GSE1: variants seen among roughly 807,000 people sequenced by gnomAD.
The protein encoded by GSE1 is Gse1 coiled-coil protein.
Under a neutral mutation model 112.6 loss-of-function variants are expected in GSE1, and 32 were observed. That is an observed-to-expected ratio of 0.28 (90% CI 0.21 to 0.38). The LOEUF (loss-of-function observed/expected upper bound fraction) is 0.38. GSE1 is among the 10% of genes least tolerant of loss of function. The pLI, the probability that GSE1 is intolerant of heterozygous loss-of-function variation, is 1.00. For missense variants in GSE1, 2,348 were observed against 1,699.2 expected, an observed-to-expected ratio of 1.38 and a Z score of -6.71; for synonymous variants, 1,115 against 735.6, an observed-to-expected ratio of 1.52 and a Z score of -8.35.
chr16:85,433,253 C>T (rs1055524257), intron 2 of GSE1, among the ~76,000 whole-genome samples: 14 of 152,026 alleles, frequency 9.2e-5, no homozygotes, highest in African/African-American at 2.9e-4. Flanking sequence ...TCATAAGAAC[C>T]CCAAAGAAAC....
At chr16:85,305,260 C>T (rs770132159) in intron 1 of GSE1, among the ~76,000 whole-genome samples, 6 of 152,194 alleles carry the variant, frequency 3.9e-5, no homozygotes, top group East Asian at 1.9e-4. Flanking sequence ...GAATCTCTGA[C>T]GATGGACCCT....
At chr16:85,379,530 C>T (rs1005319058) in intron 2 of GSE1, among the ~76,000 whole-genome samples, 8 of 152,316 alleles carry the variant, frequency 5.3e-5, no homozygotes, top group African/African-American at 1.4e-4. Context: ...TTCCTCACCC[C>T]GTGGTGAGCA....
chr16:85,381,039 G>A (rs193224053), intron 2 of GSE1, among the ~76,000 whole-genome samples: 3 of 152,318 alleles, frequency 2.0e-5, no homozygotes, highest in Non-Finnish European at 2.9e-5. Context: ...CACCACCTCC[G>A]TCCAGTGCAA....
chr16:85,590,204 TTG>T (rs1314301877), intron 1 of GSE1, among the ~76,000 whole-genome samples: 1 of 151,752 alleles, frequency 6.6e-6, no homozygotes, highest in African/African-American at 2.4e-5. Flanking sequence ...ATGTGTGTGA[TTG>T]TGTGAACATG....
intron 1 of GSE1, among the ~76,000 whole-genome samples, chr16:85,299,764 T>C (rs867921180): frequency 2.0e-5 from 3 of 152,084 alleles, no homozygotes; most frequent in Non-Finnish European, 2.9e-5. Context: ...TCTGTCTCTA[T>C]AAAAAATTTT....
intron 2 of GSE1, among the ~76,000 whole-genome samples, chr16:85,401,836 A>G (rs2048121926): frequency 1.3e-5 from 2 of 152,212 alleles, no homozygotes; most frequent in African/African-American, 4.8e-5. Flanking sequence ...CCTGACGGGA[A>G]TGTCTAAACA....
At chr16:85,356,482 G>T (rs1253928510) in intron 1 of GSE1, among the ~76,000 whole-genome samples, 2 of 152,324 alleles carry the variant, frequency 1.3e-5, no homozygotes, top group Non-Finnish European at 2.9e-5. Context: ...TCCCCTTGGT[G>T]CAGGGACCTA....
intron 2 of GSE1, among the ~76,000 whole-genome samples, chr16:85,536,491 C>G (rs947094304): frequency 6.6e-6 from 1 of 152,188 alleles, no homozygotes; most frequent in Non-Finnish European, 1.5e-5. Context: ...CTGTGTGGGC[C>G]GCGGGCAGGG....
chr16:85,324,737 C>T (rs1441919734), intron 1 of GSE1, among the ~76,000 whole-genome samples: 1 of 151,960 alleles, frequency 6.6e-6, no homozygotes, highest in Non-Finnish European at 1.5e-5. Context: ...GTGACATGTC[C>T]AATAGGCAAA....
At chr16:85,396,326 A>G (rs1335247173) in intron 2 of GSE1, among the ~76,000 whole-genome samples, 1 of 152,238 alleles carries the variant, frequency 6.6e-6, no homozygotes, top group Non-Finnish European at 1.5e-5. Flanking sequence ...TTGGAGAGAC[A>G]GGAAATATTA....
chr16:85,284,953 A>G (rs11863116), intron 1 of GSE1: 35,664 of 152,202 alleles, frequency 0.23, 4,652 homozygotes, highest in African/African-American at 0.35. Flanking sequence ...GACAATGGAA[A>G]TAGAAAATCG....
chr16:85,593,655 C>A (rs1598311583), intron 1 of GSE1: 1 of 152,188 alleles, frequency 6.6e-6, no homozygotes, highest in East Asian at 1.9e-4. Flanking sequence ...TAGCGCCTGC[C>A]TGTGTGAATG....
At chr16:85,225,135 AG>A (rs2075462252) in intron 1 of GSE1, among the ~76,000 whole-genome samples, 1 of 152,000 alleles carries the variant, frequency 6.6e-6, no homozygotes, top group Non-Finnish European at 1.5e-5. Context: ...AAAAAAAAAA[AG>A]AAAGAAGTAA....
chr16:85,304,613 G>GGGGGC (rs1597345354), intron 1 of GSE1, among the ~76,000 whole-genome samples: 3 of 131,722 alleles, frequency 2.3e-5, no homozygotes, highest in Admixed American at 1.6e-4. Flanking sequence ...GGGGGGTGGG[G>GGGGGC]CATCCCTTTT....
chr16:85,246,513 C>G (rs1258283592), intron 1 of GSE1, among the ~76,000 whole-genome samples: 1 of 99,280 alleles, frequency 1.0e-5, no homozygotes, highest in African/African-American at 3.6e-5. Flanking sequence ...CCCCCCCCCC[C>G]GACGCTGTCT....
At chr16:85,561,709 A>G (rs569275662) in intron 1 of GSE1, among the ~76,000 whole-genome samples, 2 of 152,328 alleles carry the variant, frequency 1.3e-5, no homozygotes, top group Admixed American at 1.3e-4. Context: ...AGCAAGTCAT[A>G]AATATCTCAT....
chr16:85,364,883 C>T (rs370371482), intron 2 of GSE1, among the ~76,000 whole-genome samples: 1 of 152,326 alleles, frequency 6.6e-6, no homozygotes, highest in Admixed American at 6.5e-5. Context: ...GTCCCTGAGA[C>T]GGCACGGGTC....
rs117867914 is a variant in GSE1, at chr16:85,370,557, T to C, written c.2464+12914T>C. 2.7e-3 allele frequency among the ~76,000 whole-genome samples: 411 copies of C among 152,270 alleles called. 1 individual carries two copies. Among genetic ancestry groups the C allele is most frequent in the South Asian group, 5.0e-3 (24 of 4,826 alleles). On this transcript the variant is annotated intron_variant, in intron 2 of 2. Coordinates refer to the GSE1 transcript ENST00000637419. ...CAGGGGAAAAGAACCTGAAAGTGGA[T>C]ACAGCAATGATGGTGGGCTTCCTCC... is the stretch of plus-strand genomic sequence containing the variant.
At chr16:85,650,779 A>G (rs9923356) in intron 3 of GSE1, among the ~76,000 whole-genome samples, 148,443 of 152,020 alleles carry the variant, frequency 0.98, 72,666 homozygotes, top group Middle Eastern at 1. Flanking sequence ...GTGGGGAGGC[A>G]GAGAGAGGAT....
Sources: gnomAD v4.1 joint callset for allele counts (sites outside exome capture counted in the v4.1 genomes callset) on GRCh38, gnomAD v4.1.1 for gene constraint, MANE v1.5 for transcripts, NCBI Gene and HGNC (gene_info 2026-07-23, HGNC 2026-07-21) for gene names.